The following SLC2A13 variants were observed in gnomAD, a reference collection of about 807,000 sequenced individuals.
The protein encoded by SLC2A13 is proton myo-inositol cotransporter.
SLC2A13 carries 32 observed loss-of-function variants against 64.4 expected under a neutral mutation model. The ratio of observed to expected loss-of-function variants is 0.50; its 90% CI spans 0.37 to 0.67. The LOEUF (loss-of-function observed/expected upper bound fraction) is 0.67, where lower values mean the gene tolerates loss of function less well. Among genes scored for constraint, SLC2A13 ranks in the 30% least tolerant of loss-of-function variants. The pLI is 0.00. For synonymous variants in SLC2A13, 338 were observed against 327.1 expected (o/e 1.03, Z -0.36); for missense variants, 743 against 829.2 (o/e 0.90, Z 1.28).
chr12:40,054,277 T>C (rs1824407464), intron 1 of SLC2A13, among the ~76,000 whole-genome samples: 1 of 152,144 alleles, frequency 6.6e-6, no homozygotes, highest in Non-Finnish European at 1.5e-5. Context: ...GAATAATATT[T>C]AAATATGATT....
intron 1 of SLC2A13, among the ~76,000 whole-genome samples, chr12:40,093,373 A>T (rs554349595): frequency 6.6e-6 from 1 of 152,202 alleles, no homozygotes; most frequent in Non-Finnish European, 1.5e-5. Flanking sequence ...TGTTATCTAT[A>T]GATTAAATAT....
At chr12:40,040,626 A>T (rs1948071064) in intron 2 of SLC2A13, among the ~76,000 whole-genome samples, 1 of 152,172 alleles carries the variant, frequency 6.6e-6, no homozygotes, top group Non-Finnish European at 1.5e-5. Flanking sequence ...TCCTGACCTC[A>T]GGTGATCCAC....
chr12:40,011,431 T>C (rs1324397737), intron 3 of SLC2A13, among the ~76,000 whole-genome samples: 2 of 152,196 alleles, frequency 1.3e-5, no homozygotes, highest in African/African-American at 4.8e-5. Flanking sequence ...CTTCCCTTTG[T>C]TGGGACTCAC....
chr12:40,063,450 C>T (rs1948457939), intron 1 of SLC2A13, among the ~76,000 whole-genome samples: 1 of 145,108 alleles, frequency 6.9e-6, no homozygotes, highest in Non-Finnish European at 1.5e-5. Flanking sequence ...ATAATGCCTA[C>T]ATCTAAATTA....
rs1262200109 is a variant in SLC2A13, at chr12:40,004,438, C to A, written c.925+23863G>T. Among the ~76,000 whole-genome samples, 5 of 152,142 alleles carry A rather than the reference C, an allele frequency of 3.3e-5. No individual in the cohort carries two copies. The East Asian group carries it at 9.6e-4, about 29-fold the overall frequency. The stretch of plus-strand genomic sequence containing the variant: ...ACCTCAGGTGATCCACCCACCTCAG[C>A]CTCCCAAAGTGCTGGTGTTACAGGC... On this transcript the variant is annotated intron_variant, in intron 3 of 9. Transcript: ENST00000280871.
chr12:39,972,022 T>TATATATATACATATATATTTTTTTATATA (rs368933021), intron 3 of SLC2A13, among the ~76,000 whole-genome samples: 9 of 92,386 alleles, frequency 9.7e-5, no homozygotes, highest in Non-Finnish European at 1.6e-4. Context: ...ATATTTTTTT[T>TATATATATACATATATATTTTTTTATATA]TATATAAATA....
At chr12:39,799,952 G>A (rs1212556860) in intron 7 of SLC2A13, among the ~76,000 whole-genome samples, 3 of 152,180 alleles carry the variant, frequency 2.0e-5, no homozygotes, top group Non-Finnish European at 4.4e-5. Context: ...TGTTCCCCAT[G>A]TGCAGTGGAG....
chr12:39,762,844 A>T (rs1192009301), intron 9 of SLC2A13, among the ~76,000 whole-genome samples: 1 of 152,060 alleles, frequency 6.6e-6, no homozygotes, highest in African/African-American at 2.4e-5. Context: ...CTTAATGCAA[A>T]GCAACACACT....
chr12:40,034,036 C>T (rs1188258244), intron 2 of SLC2A13, among the ~76,000 whole-genome samples: 1 of 152,084 alleles, frequency 6.6e-6, no homozygotes, highest in Non-Finnish European at 1.5e-5. Context: ...GAAAAAGTTG[C>T]CAATGCCTTA....
chr12:40,060,866 T>G (rs557093946), intron 1 of SLC2A13, among the ~76,000 whole-genome samples: 1 of 152,050 alleles, frequency 6.6e-6, no homozygotes, highest in Non-Finnish European at 1.5e-5. Context: ...AATTTTAAAG[T>G]CATTAACAGT....
At chr12:39,775,516 G>A (rs1351093813) in intron 7 of SLC2A13, among the ~76,000 whole-genome samples, 1 of 152,234 alleles carries the variant, frequency 6.6e-6, no homozygotes, top group African/African-American at 2.4e-5. Flanking sequence ...GTTAGCATTT[G>A]AGTGGTCTAA....
chr12:40,088,247 T>C (rs971241706), intron 1 of SLC2A13, among the ~76,000 whole-genome samples: 9 of 152,190 alleles, frequency 5.9e-5, no homozygotes, highest in African/African-American at 1.9e-4. Flanking sequence ...AATTGCTTGG[T>C]AGGATCTGAA....
chr12:39,972,333 C>T (rs1208147312), intron 3 of SLC2A13, among the ~76,000 whole-genome samples: 2 of 152,010 alleles, frequency 1.3e-5, no homozygotes, highest in African/African-American at 2.4e-5. Flanking sequence ...GCCTGCTGCC[C>T]AAGAATGCAG....
At chr12:39,956,037 T>C (rs1417951923) in intron 3 of SLC2A13, among the ~76,000 whole-genome samples, 1 of 152,104 alleles carries the variant, frequency 6.6e-6, no homozygotes, top group Non-Finnish European at 1.5e-5. Flanking sequence ...AAATGACCAA[T>C]ATCAGGAGTA....
At chr12:39,980,440 A>G (rs1946867603) in intron 3 of SLC2A13, among the ~76,000 whole-genome samples, 1 of 151,038 alleles carries the variant, frequency 6.6e-6, no homozygotes, top group Admixed American at 6.6e-5. Context: ...TCTCATGTGC[A>G]GAGACACACA....
intron 7 of SLC2A13, among the ~76,000 whole-genome samples, chr12:39,808,051 A>C (rs1253896368): frequency 6.6e-6 from 1 of 152,174 alleles, no homozygotes; most frequent in Non-Finnish European, 1.5e-5. Flanking sequence ...ACAATGTATA[A>C]ATCCATGTAA....
intron 4 of SLC2A13, among the ~76,000 whole-genome samples, chr12:39,893,264 T>C (rs1944657840): frequency 1.3e-5 from 2 of 152,212 alleles, no homozygotes; most frequent in Admixed American, 1.3e-4. Context: ...CTATGTCTAT[T>C]TTATAGAAAA....
intron 7 of SLC2A13, among the ~76,000 whole-genome samples, chr12:39,784,355 T>C (rs1372802043): frequency 1.3e-5 from 2 of 152,278 alleles, no homozygotes; most frequent in Non-Finnish European, 2.9e-5. Context: ...CAAAACAGCA[T>C]GGTACTGGTA....
At position 39,951,246 on chromosome 12, in the gene SLC2A13, G is replaced by T. The variant is rs1168086152; in HGVS notation, c.1034+11C>A. 5 of 1,606,886 alleles carry T rather than the reference G, an allele frequency of 3.1e-6. No individual in the cohort carries two copies. In the African/African-American group the frequency reaches 6.7e-5, roughly 22 times the overall value. On this transcript the variant is annotated intron_variant, in intron 4 of 9. Transcript: ENST00000280871. ...AATCTTTTCAGTAAAAAGCCAGAAA[G>T]AAATACATACATGATGGTGTTAATG... is the stretch of plus-strand genomic sequence containing the variant.
Sources: allele counts gnomAD v4.1 joint callset (sites outside exome capture counted in the v4.1 genomes callset), GRCh38; gene constraint gnomAD v4.1.1; transcripts MANE v1.5; gene names NCBI Gene and HGNC (gene_info 2026-07-23, HGNC 2026-07-21).